NBAS: variants seen among roughly 807,000 people sequenced by gnomAD.
NBAS encodes NAG/BC035112 fusion.
A neutral mutation model predicts 302.5 loss-of-function variants in NBAS; 219 were observed. That is an observed-to-expected ratio of 0.72 (90% CI 0.65 to 0.81). The LOEUF is 0.81. NBAS is among the 30% of genes least tolerant of loss of function. The pLI is 0.00. For missense variants in NBAS, 2,932 were observed against 2,841.6 expected (o/e 1.03, Z -0.72); for synonymous variants, 1,118 against 1,021.6 (o/e 1.09, Z -1.80).
the NBAS span, among the ~76,000 whole-genome samples, chr2:14,885,252 A>G: frequency 1.3e-5 from 2 of 152,180 alleles, no homozygotes; most frequent in African/African-American, 2.4e-5. Flanking sequence ...GAGTATTGAG[A>G]GTAGAGATGG....
chr2:14,799,983 T>G, the NBAS span, among the ~76,000 whole-genome samples: 75 of 152,312 alleles, frequency 4.9e-4, 1 homozygote, highest in African/African-American at 1.7e-3. Flanking sequence ...CAACATATAC[T>G]TCAGGTTTTT....
intron 28 of NBAS, among the ~76,000 whole-genome samples, chr2:15,383,533 C>G (rs926033577): frequency 6.6e-6 from 1 of 152,108 alleles, no homozygotes; most frequent in African/African-American, 2.4e-5. Flanking sequence ...TGCATCACTG[C>G]TAGAGATGGT....
At chr2:15,378,325 G>A (rs1403420188) in intron 30 of NBAS, among the ~76,000 whole-genome samples, 3 of 152,132 alleles carry the variant, frequency 2.0e-5, no homozygotes, top group Non-Finnish European at 1.5e-5. Context: ...GATGTCCAGG[G>A]TACAAATGGA....
At chr2:15,057,920 C>A in the NBAS span, among the ~76,000 whole-genome samples, 2 of 152,086 alleles carry the variant, frequency 1.3e-5, no homozygotes, top group Non-Finnish European at 2.9e-5. Flanking sequence ...TAAGAATGGC[C>A]ATAATCAAAT....
At chr2:15,382,245 A>T (rs1675074726) in intron 29 of NBAS, among the ~76,000 whole-genome samples, 1 of 152,170 alleles carries the variant, frequency 6.6e-6, no homozygotes, top group African/African-American at 2.4e-5. Flanking sequence ...GTACATATCT[A>T]TTCCAAATTA....
chr2:15,099,275 G>A, the NBAS span, among the ~76,000 whole-genome samples: 1,546 of 152,066 alleles, frequency 0.01, 24 homozygotes, highest in Middle Eastern at 0.031. Flanking sequence ...CAGCCTGGGC[G>A]ACAGAGCAAG....
intron 16 of NBAS, among the ~76,000 whole-genome samples, chr2:15,469,501 G>GTT (rs1679865633): frequency 6.6e-6 from 1 of 152,048 alleles, no homozygotes; most frequent in African/African-American, 2.4e-5. Context: ...ATACCCAAAG[G>GTT]ATTACAAATC....
At chr2:14,923,548 G>A in the NBAS span, among the ~76,000 whole-genome samples, 3 of 152,152 alleles carry the variant, frequency 2.0e-5, no homozygotes, top group South Asian at 6.2e-4. Flanking sequence ...CTCACATGGA[G>A]CTTACTCTGC....
intron 9 of NBAS, among the ~76,000 whole-genome samples, chr2:15,528,914 T>TATATGTGTATATATATAC (rs1558414941): frequency 2.0e-5 from 3 of 147,652 alleles, no homozygotes; most frequent in Non-Finnish European, 4.5e-5. Flanking sequence ...TATATATATA[T>TATATGTGTATATATATAC]ACACACACAC....
At chr2:14,960,837 A>G in the NBAS span, among the ~76,000 whole-genome samples, 1 of 152,198 alleles carries the variant, frequency 6.6e-6, no homozygotes, top group Non-Finnish European at 1.5e-5. Context: ...TTCATAGTCA[A>G]TGAACAAGAC....
chr2:15,448,395 G>A (rs917596487), intron 21 of NBAS, among the ~76,000 whole-genome samples: 2 of 152,006 alleles, frequency 1.3e-5, no homozygotes, highest in African/African-American at 2.4e-5. Context: ...TATCGCTTAC[G>A]TTACTTAATC....
the NBAS span, among the ~76,000 whole-genome samples, chr2:15,049,970 A>T: frequency 6.6e-6 from 1 of 152,212 alleles, no homozygotes; most frequent in Non-Finnish European, 1.5e-5. Flanking sequence ...TCGGCCATGC[A>T]GCTGGGGACT....
intron 31 of NBAS, among the ~76,000 whole-genome samples, chr2:15,371,158 C>T (rs1180243560): frequency 1.3e-5 from 2 of 152,124 alleles, no homozygotes; most frequent in Non-Finnish European, 2.9e-5. Flanking sequence ...GGCACTTCCT[C>T]GTTCTCAAAT....
intron 31 of NBAS, 114 bp from the exon 32 acceptor site, chr2:15,366,807 G>A (rs1254963333): frequency 1.1e-6 from 1 of 919,668 alleles, no homozygotes; most frequent in Non-Finnish European, 1.8e-6. Flanking sequence ...GGCATCAGAT[G>A]AAGGAGAATT....
At chr2:15,088,498 G>A in the NBAS span, among the ~76,000 whole-genome samples, 1 of 152,250 alleles carries the variant, frequency 6.6e-6, no homozygotes, top group South Asian at 2.1e-4. Flanking sequence ...CTGTGATAGA[G>A]TCTTAAGTAT....
chr2:15,255,632 G>A (rs1668558722), intron 44 of NBAS, among the ~76,000 whole-genome samples: 1 of 152,164 alleles, frequency 6.6e-6, no homozygotes, highest in Admixed American at 6.5e-5. Context: ...CTAATCCAAT[G>A]TCTAGAAGAG....
chr2:15,177,230 G>A (rs1318455591), intron 51 of NBAS, among the ~76,000 whole-genome samples: 1 of 152,188 alleles, frequency 6.6e-6, no homozygotes, highest in Admixed American at 6.5e-5. Flanking sequence ...CACAGGCTTA[G>A]CACCATGCAG....
At chr2:14,831,961 G>A in the NBAS span, among the ~76,000 whole-genome samples, 1 of 152,192 alleles carries the variant, frequency 6.6e-6, no homozygotes, top group Non-Finnish European at 1.5e-5. Context: ...TAGCCAATCA[G>A]TCAATGACTC....
chr2:15,101,354 T>C, the NBAS span, among the ~76,000 whole-genome samples: 1 of 152,168 alleles, frequency 6.6e-6, no homozygotes, highest in Non-Finnish European at 1.5e-5. Flanking sequence ...ATATTATCTA[T>C]GTTGTTATTA....
Sources: allele counts gnomAD v4.1 joint callset (sites outside exome capture counted in the v4.1 genomes callset), GRCh38; gene constraint gnomAD v4.1.1; transcripts MANE v1.5; gene names NCBI Gene and HGNC (gene_info 2026-07-23, HGNC 2026-07-21).